The following DIAPH3 variants were observed in gnomAD, a reference collection of about 807,000 sequenced individuals.
The protein encoded by DIAPH3 is protein diaphanous homolog 3.
A neutral mutation model predicts 144.3 loss-of-function variants in DIAPH3; 117 were observed. The ratio of observed to expected loss-of-function variants is 0.81; its 90% CI spans 0.70 to 0.95. DIAPH3 has a LOEUF of 0.95. DIAPH3 is among the 40% of genes least tolerant of loss of function. DIAPH3 has a pLI of 0.00. For synonymous variants in DIAPH3, 519 were observed against 488.9 expected (o/e 1.06, Z -0.81); for missense variants, 1,421 against 1,412.7 (o/e 1.01, Z -0.09).
rs188260714 is a variant in DIAPH3 at position 60,001,156 on chromosome 13, T to C, written c.1014+7388A>G. ...GAGCAAAGAGCAGGCTCACTTCATG[T>C]CTAGTATAATAAAGATAATGTCTTT... On this transcript the variant is annotated intron_variant, in intron 9 of 27. Transcript: ENST00000400324. Among the ~76,000 whole-genome samples the C allele has an allele frequency of 2.0e-5, 3 of 152,298 alleles. No individual in the cohort carries two copies. The East Asian group carries it at 5.8e-4, about 29-fold the overall frequency.
chr13:59,862,799 G>T (rs565482057), intron 21 of DIAPH3, among the ~76,000 whole-genome samples: 3 of 152,020 alleles, frequency 2.0e-5, no homozygotes, highest in East Asian at 1.9e-4. Flanking sequence ...AATCACAAAG[G>T]TGATGCATTT....
At chr13:59,692,525 C>T (rs2033587597) in intron 27 of DIAPH3, among the ~76,000 whole-genome samples, 1 of 151,876 alleles carries the variant, frequency 6.6e-6, no homozygotes, top group African/African-American at 2.4e-5. Context: ...GAAGCCCAGC[C>T]TTACTCCATT....
At chr13:60,004,518 G>T (rs560369006) in intron 9 of DIAPH3, among the ~76,000 whole-genome samples, 23 of 152,102 alleles carry the variant, frequency 1.5e-4, no homozygotes, top group African/African-American at 5.5e-4. Flanking sequence ...CACACATTAG[G>T]CTTAAAAACA....
chr13:59,970,828 T>C lies in DIAPH3; in HGVS notation c.1959+24A>G, dbSNP rs1171862252. On this transcript the variant is annotated intron_variant, in intron 16 of 27. Coordinates refer to ENST00000400324, the MANE Select transcript of DIAPH3 (RefSeq NM_001042517.2). Reference sequence around the variant, plus strand: ...TTAGATTTAGATCTAAGTAAAAGTATTTTCCTCTATTAATTTCTTTTACCT... The same window carrying C: ...TTAGATTTAGATCTAAGTAAAAGTACTTTCCTCTATTAATTTCTTTTACCT... 4 of 1,597,808 alleles carry C rather than the reference T, an allele frequency of 2.5e-6. No homozygotes were observed. The South Asian group carries it at 4.5e-5, about 18-fold the overall frequency.
intron 27 of DIAPH3, among the ~76,000 whole-genome samples, chr13:59,667,887 T>C (rs1050610340): frequency 1.3e-5 from 2 of 152,234 alleles, no homozygotes; most frequent in Non-Finnish European, 2.9e-5. Flanking sequence ...GTGTGTTTTA[T>C]GTGAGTGCTG....
chr13:59,906,402 A>G (rs1433367339), intron 20 of DIAPH3, among the ~76,000 whole-genome samples: 1 of 152,226 alleles, frequency 6.6e-6, no homozygotes, highest in East Asian at 1.9e-4. Context: ...AGATTGTTAA[A>G]AATGATCATT....
chr13:59,934,109 T>A (rs1851077947), intron 17 of DIAPH3, among the ~76,000 whole-genome samples: 1 of 152,140 alleles, frequency 6.6e-6, no homozygotes, highest in Non-Finnish European at 1.5e-5. Flanking sequence ...GTTTTAGTAG[T>A]CAGTATAGGC....
Position 59,696,051 on chromosome 13 carries a change from A to G in DIAPH3, c.3320-29205T>C, listed in dbSNP as rs201518093. 7.2e-5 allele frequency: 11 copies of G among 152,310 alleles called. No individual in the cohort carries two copies. In the East Asian group the frequency reaches 2.1e-3, roughly 29 times the overall value. The allele number at this position is 152,310 out of a possible 1,614,324, so 9.4% of individuals were successfully genotyped here. A position where few individuals can be genotyped will look rare whatever the true frequency, so the allele number is the denominator to read the frequency against. On this transcript the variant is annotated intron_variant, in intron 27 of 27. Coordinates refer to ENST00000400324, the MANE Select transcript of DIAPH3 (RefSeq NM_001042517.2). The stretch of plus-strand genomic sequence containing the variant: ...TAAATCCTCAAATGAAAGGATTGAA[A>G]GGTTGAGAGGTAAGGATGCAGCTCT...
chr13:60,044,590 G>A (rs1180261809), intron 4 of DIAPH3, among the ~76,000 whole-genome samples: 1 of 152,108 alleles, frequency 6.6e-6, no homozygotes, highest in African/African-American at 2.4e-5. Context: ...TTGTTCAACA[G>A]AGAAAATTTA....
chr13:59,987,816 A>AC (rs2051523754), intron 12 of DIAPH3, among the ~76,000 whole-genome samples: 3 of 89,320 alleles, frequency 3.4e-5, no homozygotes, highest in African/African-American at 1.5e-4. Context: ...TCAGAAAGGG[A>AC]CAAAAAAAAA....
chr13:59,821,758 TA>T (rs1427841082), intron 24 of DIAPH3, among the ~76,000 whole-genome samples: 1 of 152,162 alleles, frequency 6.6e-6, no homozygotes, highest in Non-Finnish European at 1.5e-5. Context: ...CAAATCCAAT[TA>T]AAAAACTGTT....
chr13:59,951,167 G>A (rs2049078306), intron 17 of DIAPH3, among the ~76,000 whole-genome samples: 1 of 152,032 alleles, frequency 6.6e-6, no homozygotes, highest in Non-Finnish European at 1.5e-5. Context: ...ATATGTTGTG[G>A]TTGGGACCCA....
intron 5 of DIAPH3, among the ~76,000 whole-genome samples, chr13:60,027,574 C>A (rs531664852): frequency 6.6e-6 from 1 of 151,950 alleles, no homozygotes; most frequent in African/African-American, 2.4e-5. Flanking sequence ...AAACAAAGCA[C>A]AAGAAACAAG....
chr13:60,112,325 T>G (rs2058591726), intron 2 of DIAPH3, 139 bp from the exon 3 acceptor site: 1 of 987,106 alleles, frequency 1.0e-6, no homozygotes. Context: ...ATTGGAATAT[T>G]TAAAATTAAT....
chr13:59,912,273 G>A (rs929916024), intron 19 of DIAPH3, among the ~76,000 whole-genome samples: 3 of 152,178 alleles, frequency 2.0e-5, no homozygotes, highest in Admixed American at 1.3e-4. Flanking sequence ...AAAGGCATGG[G>A]AAGGGACAGA....
At chr13:59,988,797 C>G (rs339528) in intron 12 of DIAPH3, among the ~76,000 whole-genome samples, 84,312 of 151,526 alleles carry the variant, frequency 0.56, 23,988 homozygotes, top group Admixed American at 0.61. Flanking sequence ...ATTTAACTAG[C>G]GTGGTATTTT....
chr13:59,735,148 T>C (rs1308593825), intron 27 of DIAPH3, among the ~76,000 whole-genome samples: 1 of 152,056 alleles, frequency 6.6e-6, no homozygotes, highest in African/African-American at 2.4e-5. Context: ...ATTACAAAAA[T>C]GAAATAAAAA....
intron 27 of DIAPH3, among the ~76,000 whole-genome samples, chr13:59,706,224 C>T (rs1036842840): frequency 6.6e-6 from 1 of 152,034 alleles, no homozygotes; most frequent in Non-Finnish European, 1.5e-5. Context: ...AAAGTCTGCA[C>T]GTGTTTAGTA....
At chr13:60,029,490 G>A (rs754473749) in intron 5 of DIAPH3, among the ~76,000 whole-genome samples, 4 of 152,186 alleles carry the variant, frequency 2.6e-5, no homozygotes, top group Non-Finnish European at 4.4e-5. Context: ...TGGAGGTAAT[G>A]GGATCATGGG....
Sources: allele counts gnomAD v4.1 joint callset (sites outside exome capture counted in the v4.1 genomes callset), GRCh38; gene constraint gnomAD v4.1.1; transcripts MANE v1.5; gene names NCBI Gene and HGNC (gene_info 2026-07-23, HGNC 2026-07-21).